ARMH4: variants seen among roughly 807,000 people sequenced by gnomAD.
The protein encoded by ARMH4 is armadillo like helical domain containing 4.
ARMH4 carries 49 observed loss-of-function variants against 61.9 expected under a neutral mutation model. The ratio of observed to expected loss-of-function variants is 0.79; its 90% confidence interval spans 0.63 to 1.00. The LOEUF (loss-of-function observed/expected upper bound fraction) is 1.00, where lower values mean the gene tolerates loss of function less well. Ranked by LOEUF, ARMH4 falls within the 50% of genes least tolerant of loss-of-function variation. ARMH4 has a pLI of 0.00. For synonymous variants in ARMH4, 368 were observed against 341.5 expected (o/e 1.08, Z -0.85); for missense variants, 934 against 930.0 (o/e 1.00, Z -0.06).
At chr14:58,139,755 A>G (rs1361550390) in intron 1 of ARMH4, among the ~76,000 whole-genome samples, 1 of 152,264 alleles carries the variant, frequency 6.6e-6, no homozygotes, top group Non-Finnish European at 1.5e-5. Flanking sequence ...ATGTAGTCAA[A>G]TGACTGTAGA....
intron 4 of ARMH4, among the ~76,000 whole-genome samples, chr14:58,117,473 C>A (rs956877381): frequency 5.3e-5 from 8 of 152,244 alleles, no homozygotes; most frequent in African/African-American, 1.9e-4. Context: ...CTCAACCTAT[C>A]TAAAATGAGG....
At chr14:58,006,028 G>A (rs1882159605) in intron 6 of ARMH4, among the ~76,000 whole-genome samples, 1 of 152,080 alleles carries the variant, frequency 6.6e-6, no homozygotes, top group African/African-American at 2.4e-5. Context: ...ATGTCTCCAG[G>A]GTCTCCAAGG....
chr14:58,003,755 T>A lies in ARMH4; in HGVS notation c.*981A>T, dbSNP rs944955324. 1 of 152,200 alleles carries A rather than the reference T, an allele frequency of 6.6e-6. No individual in the cohort carries two copies. Among genetic ancestry groups the A allele is most frequent in the African/African-American group, 2.4e-5 (1 of 41,452 alleles). The allele number at this position is 152,200 out of a possible 1,614,324, so 9.4% of individuals were successfully genotyped here. A position where few individuals can be genotyped will look rare whatever the true frequency, so the allele number is the denominator to read the frequency against. On this transcript the variant is annotated 3_prime_UTR_variant, in exon 8 of 8. Coordinates refer to ENST00000267485, the MANE Select transcript of ARMH4 (RefSeq NM_001001872.4). ...AGACAAACGATAGAATGTCTATTTT[T>A]CTAATAAAGCCATATAAGGACCAAT...
At chr14:58,084,378 T>C (rs1885318532) in intron 5 of ARMH4, among the ~76,000 whole-genome samples, 1 of 152,194 alleles carries the variant, frequency 6.6e-6, no homozygotes, top group African/African-American at 2.4e-5. Context: ...GCATGGCCTC[T>C]ACTATTGGTC....
chr14:58,131,039 A>T (rs1356423920), intron 4 of ARMH4, among the ~76,000 whole-genome samples: 1 of 152,200 alleles, frequency 6.6e-6, no homozygotes, highest in Non-Finnish European at 1.5e-5. Context: ...TCTAATGGTC[A>T]ACTATAGTTG....
chr14:58,147,477 G>A (rs764375246), intron 1 of ARMH4, among the ~76,000 whole-genome samples: 6 of 152,044 alleles, frequency 3.9e-5, no homozygotes, highest in Admixed American at 6.6e-5. Flanking sequence ...ACCACGCCCA[G>A]CTAGTTTGTG....
intron 5 of ARMH4, among the ~76,000 whole-genome samples, chr14:58,027,505 C>G (rs867387672): frequency 2.0e-5 from 3 of 152,068 alleles, no homozygotes; most frequent in African/African-American, 7.2e-5. Flanking sequence ...TTTGTGATGT[C>G]TTGAAAGTCA....
intron 1 of ARMH4, among the ~76,000 whole-genome samples, chr14:58,146,915 T>C (rs768073957): frequency 1.3e-5 from 2 of 152,236 alleles, no homozygotes; most frequent in Non-Finnish European, 2.9e-5. Flanking sequence ...ACAATGAGCA[T>C]CGCCCCAAGA....
intron 5 of ARMH4, among the ~76,000 whole-genome samples, chr14:58,083,274 A>C (rs1291623475): frequency 1.3e-5 from 2 of 152,180 alleles, no homozygotes; most frequent in Non-Finnish European, 2.9e-5. Flanking sequence ...TAACCTTTGG[A>C]ATAATGGAAA....
At chr14:58,007,325 CTTTAT>C (rs1054381790) in intron 6 of ARMH4, among the ~76,000 whole-genome samples, 17 of 152,198 alleles carry the variant, frequency 1.1e-4, no homozygotes, top group African/African-American at 3.9e-4. Flanking sequence ...ACTTATGGAG[CTTTAT>C]TTTTTCAAAT....
intron 5 of ARMH4, among the ~76,000 whole-genome samples, chr14:58,038,553 A>T (rs540786965): frequency 1.1e-4 from 7 of 61,962 alleles, no homozygotes; most frequent in Admixed American, 7.0e-4. Flanking sequence ...AAAGTATAAT[A>T]AAAAAAAATT....
intron 5 of ARMH4, among the ~76,000 whole-genome samples, chr14:58,089,247 T>G (rs559230348): frequency 1.3e-5 from 2 of 152,364 alleles, no homozygotes; most frequent in East Asian, 3.9e-4. Flanking sequence ...TGACATTTGT[T>G]GCAATGAGGA....
chr14:58,143,765 CTTT>C (rs201034964), intron 1 of ARMH4, among the ~76,000 whole-genome samples: 8 of 120,100 alleles, frequency 6.7e-5, no homozygotes, highest in African/African-American at 4.0e-5. Flanking sequence ...TGCCCATCCT[CTTT>C]TTTTTTTTTT....
At chr14:58,058,684 C>T (rs544425310) in intron 5 of ARMH4, among the ~76,000 whole-genome samples, 2 of 152,296 alleles carry the variant, frequency 1.3e-5, no homozygotes, top group East Asian at 1.9e-4. Context: ...AGGTCACGTT[C>T]GTGGCCATCT....
intron 4 of ARMH4, among the ~76,000 whole-genome samples, chr14:58,110,713 TTTG>T (rs1886327678): frequency 6.6e-6 from 1 of 152,046 alleles, no homozygotes; most frequent in African/African-American, 2.4e-5. Flanking sequence ...TTCTTTAAAA[TTTG>T]TTGAGATTTT....
chr14:58,151,389 G>A (rs1018348087), intron 1 of ARMH4, among the ~76,000 whole-genome samples: 1 of 152,140 alleles, frequency 6.6e-6, no homozygotes, highest in African/African-American at 2.4e-5. Flanking sequence ...CTATTCCGGA[G>A]TCTCAAGCAG....
chr14:58,127,487 A>G (rs1318026492), intron 4 of ARMH4, among the ~76,000 whole-genome samples: 1 of 152,120 alleles, frequency 6.6e-6, no homozygotes, highest in African/African-American at 2.4e-5. Context: ...AACCTCTTTC[A>G]CTTTATTAAA....
intron 5 of ARMH4, among the ~76,000 whole-genome samples, chr14:58,063,766 T>G (rs772272328): frequency 4.6e-5 from 7 of 152,176 alleles, no homozygotes; most frequent in Non-Finnish European, 1.0e-4. Context: ...TCAATGCCCA[T>G]GTCAAGCTGC....
chr14:58,126,802 A>ATTT (rs34763780), intron 4 of ARMH4, among the ~76,000 whole-genome samples: 1 of 137,272 alleles, frequency 7.3e-6, no homozygotes, highest in African/African-American at 2.7e-5. Context: ...TCTCCATTGG[A>ATTT]TTTTTTTTTT....
Sources: allele counts gnomAD v4.1 joint callset (sites outside exome capture counted in the v4.1 genomes callset), GRCh38; gene constraint gnomAD v4.1.1; transcripts MANE v1.5; gene names NCBI Gene and HGNC (gene_info 2026-07-23, HGNC 2026-07-21).